Variants in CLK1 observed in about 807,000 individuals in gnomAD.
The protein encoded by CLK1 is dual specificity protein kinase CLK1.
In CLK1, 40 loss-of-function variants were observed where a neutral mutation model predicts 60.9. The ratio of observed to expected loss-of-function variants is 0.66; its 90% CI spans 0.51 to 0.86. The LOEUF is 0.86. Among genes scored for constraint, CLK1 ranks in the 40% least tolerant of loss-of-function variants. The pLI is 0.00. For missense variants in CLK1, 563 were observed against 606.1 expected (o/e 0.93, Z 0.75); for synonymous variants, 203 against 184.4 (o/e 1.10, Z -0.82).
At chr2:200,862,382 C>T (rs931633389) in intron 1 of CLK1, among the ~76,000 whole-genome samples, 4 of 152,174 alleles carry the variant, frequency 2.6e-5, no homozygotes, top group Admixed American at 2.0e-4. Flanking sequence ...GATCAATATA[C>T]TTTGTAATCT....
chr2:200,863,571 A>C (rs2039179202), intron 1 of CLK1, among the ~76,000 whole-genome samples: 1 of 151,634 alleles, frequency 6.6e-6, no homozygotes, highest in Non-Finnish European at 1.5e-5. Flanking sequence ...AAAAGAAAAA[A>C]AGGAGGCTGG....
intron 1 of CLK1, chr2:200,863,964 T>G: frequency 9.9e-7 from 1 of 1,008,100 alleles, no homozygotes; most frequent in Non-Finnish European, 1.4e-6. Context: ...ACCCCAGCAT[T>G]TCTCTTTCCT....
At chr2:200,853,707 C>T (rs1485483454) in intron 12 of CLK1, among the ~76,000 whole-genome samples, 196 bp downstream of exon 12, 1 of 100,550 alleles carries the variant, frequency 9.9e-6, no homozygotes, top group South Asian at 3.0e-4. Context: ...AAAAAAAAAG[C>T]GTGGTGGCAT....
In CLK1 at chr2:200,853,462, AAG is replaced by A. The variant is rs1457146990; in HGVS notation, c.1312-15_1312-14del. 6.9e-6 allele frequency: 11 copies of A among 1,601,258 alleles called. No individual in the cohort carries two copies. The highest frequency in any genetic ancestry group is 8.5e-6 in the Non-Finnish European group (10 of 1,176,876). On this transcript the variant is annotated splice_polypyrimidine_tract_variant and intron_variant, in intron 12 of 12. Coordinates refer to ENST00000321356, the MANE Select transcript of CLK1 (RefSeq NM_004071.4). ...AAAGCATAAATTCCTGGAAGAAAAA[AAG>A]AAATTCATTCAACAGCCTTTTCCAC...
chr2:200,854,257 C>T (rs982883025), intron 11 of CLK1: 13 of 347,198 alleles, frequency 3.7e-5, no homozygotes, highest in African/African-American at 1.5e-4. Context: ...AAGTTCTGGC[C>T]AGGTGCGGTG....
At position 200,857,518 on chromosome 2, in the gene CLK1, C is replaced by T. The variant is rs150053900; in HGVS notation, c.832+200G>A. The T allele has an allele frequency of 9.0e-4, 408 of 455,690 alleles. 1 individual carries two copies. Among genetic ancestry groups the T allele is most frequent in the African/African-American group, 7.2e-3 (361 of 50,446 alleles). 28.2% of individuals were successfully genotyped at this position (455,690 alleles called of 1,614,324 possible). On this transcript the variant is annotated intron_variant, in intron 7 of 12. Coordinates refer to ENST00000321356, the MANE Select transcript of CLK1 (RefSeq NM_004071.4). ...CTAAATCATAGTCTGCAACAAAGTA[C>T]GTTGTTATATGGTGGATATCCTACT...
intron 1 of CLK1, 93 bp downstream of exon 1, chr2:200,864,471 C>G (rs533415437): frequency 8.5e-5 from 42 of 495,090 alleles, no homozygotes; most frequent in Middle Eastern, 1.1e-3. Flanking sequence ...GGACGGCGGG[C>G]AGCAAACAAG....
In CLK1 at chr2:200,857,748, T is replaced by C; in HGVS notation, c.802A>G (p.Met268Val). The change falls in exon 7 of 13, where the codon ATG (methionine) becomes GTG (valine). Residue 268 changes from methionine (M) to valine (V), a missense_variant. Physicochemically the swap from Met to Val is conservative, Grantham distance 21 (BLOSUM62 1). Around this residue, in one of 3 missense-constraint regions of CLK1, gnomAD observed 360 missense variants for 407.0 expected, o/e 0.88. Coordinates refer to ENST00000321356, the MANE Select transcript of CLK1 (RefSeq NM_004071.4). ...LPFRLDHIRK[M>V]AYQICKSVNF... ...ACAGACTTGCATATCTGATATGCCATCTTTCTGATATGATCCAGTCGAAAT... is the reference window on the plus strand; with the variant it reads ...ACAGACTTGCATATCTGATATGCCACCTTTCTGATATGATCCAGTCGAAAT... 6.2e-7 allele frequency: 1 copy of C among 1,605,056 alleles called. No individual in the cohort carries two copies. The highest frequency in any genetic ancestry group is 8.5e-7 in the Non-Finnish European group (1 of 1,175,784).
chr2:200,861,958 A>G, intron 1 of CLK1, 96 bp from the exon 2 acceptor site: 1 of 954,758 alleles, frequency 1.0e-6, no homozygotes, highest in Non-Finnish European at 1.6e-6. Flanking sequence ...CCTCGTTTTA[A>G]GACCAAAATT....
At position 200,856,746 on chromosome 2, in the gene CLK1, A is replaced by G. The variant is rs780157435; in HGVS notation, c.993T>C (p.Tyr331=). The G allele has an allele frequency of 1.2e-6, 2 of 1,613,538 alleles. No homozygotes were observed. The highest frequency in any genetic ancestry group is 1.1e-5 in the South Asian group (1 of 91,026). The change falls in exon 9 of 13, where the codon TAT becomes TAC. Residue 331 remains tyrosine (Y), a synonymous_variant. Transcript: ENST00000321356. ...CCAATGTACTGTGATGTTCGTCATC[A>G]TATGTTGCACTACCAAAGTCTACAA... ...IKVVDFGSAT[Y]DDEHHSTLVS...
chr2:200,858,309 T>G, intron 5 of CLK1: 1 of 550,398 alleles, frequency 1.8e-6, no homozygotes, highest in East Asian at 3.1e-5. Flanking sequence ...AAACAACTTC[T>G]TCCTATATGG....
chr2:200,857,926 T>C lies in CLK1; in HGVS notation c.666-42A>G, dbSNP rs984768978. ...AATAGCTAAGTATAGTTGCTCCTAATTTAAATATACCTGATACCACTTCCC... is the reference window on the plus strand; with the variant it reads ...AATAGCTAAGTATAGTTGCTCCTAACTTAAATATACCTGATACCACTTCCC... On this transcript the variant is annotated intron_variant, in intron 6 of 12. Transcript: ENST00000321356. 2.5e-6 allele frequency: 4 copies of C among 1,611,332 alleles called. No individual in the cohort carries two copies. The African/African-American group carries it at 5.3e-5, about 22-fold the overall frequency.
At chr2:200,854,825 A>G (rs974955336) in intron 10 of CLK1, 130 bp from the exon 11 acceptor site, 3 of 792,426 alleles carry the variant, frequency 3.8e-6, no homozygotes, top group African/African-American at 1.7e-5. Context: ...ATGGACACGG[A>G]TAATTGCTTA....
chr2:200,861,945 T>C (rs938910450), intron 1 of CLK1, 83 bp from the exon 2 acceptor site: 30 of 1,208,946 alleles, frequency 2.5e-5, no homozygotes, highest in Non-Finnish European at 3.2e-5. Flanking sequence ...GGTCCCCTCG[T>C]GACCTCGTTT....
At position 200,861,482 on chromosome 2, in the gene CLK1, T is replaced by A. The variant is rs1255385884; in HGVS notation, c.162-16A>T. 1.9e-6 allele frequency: 3 copies of A among 1,609,924 alleles called. No homozygotes were observed. The Admixed American group carries it at 5.0e-5, about 27-fold the overall frequency. ...CAAATAATGGCTAGAGAAATAAAAA[T>A]TATTTTCAATGTTTTATGCTAAGAC... On this transcript the variant is annotated splice_polypyrimidine_tract_variant and intron_variant, in intron 2 of 12. Transcript: ENST00000321356.
Position 200,856,714 on chromosome 2 carries a change from G to C in CLK1, c.1025C>G (p.Thr342Arg). ...AACTTCAGGTGCTCTATAATGTCTT[G>C]TAGATACCAATGTACTGTGATGTTC... The part of the protein sequence containing the change: ...DDEHHSTLVS[T>R]RHYRAPEVIL... Residue 342 changes from threonine to arginine, a missense_variant, in exon 9 of 13, where the codon ACA becomes AGA. Physicochemically the swap from Thr to Arg is moderately conservative, Grantham distance 71 (BLOSUM62 -1). Transcript: ENST00000321356. 6.2e-7 allele frequency: 1 copy of C among 1,609,828 alleles called. No homozygotes were observed. Among genetic ancestry groups the C allele is most frequent in the Non-Finnish European group, 8.5e-7 (1 of 1,178,358 alleles).
At position 200,853,129 on chromosome 2, in the gene CLK1, G is replaced by C. The variant is rs1354437819; in HGVS notation, c.*177C>G. ...CTGAATAAATCACTTTACAATTACT[G>C]AAAAAGATGTTCATTACCTTAGCTA... On this transcript the variant is annotated 3_prime_UTR_variant, in exon 13 of 13. Coordinates refer to ENST00000321356, the MANE Select transcript of CLK1 (RefSeq NM_004071.4). 1.5e-5 allele frequency: 7 copies of C among 459,542 alleles called. No individual in the cohort carries two copies. The highest frequency in any genetic ancestry group is 2.3e-5 in the Non-Finnish European group (6 of 264,290). 28.5% of individuals were successfully genotyped at this position (459,542 alleles called of 1,614,324 possible).
intron 12 of CLK1, among the ~76,000 whole-genome samples, 173 bp from the exon 13 acceptor site, chr2:200,853,622 C>A (rs1427256874): frequency 7.3e-6 from 1 of 137,568 alleles, no homozygotes; most frequent in Non-Finnish European, 1.5e-5. Context: ...AGGTGGATCA[C>A]TTGAGGCCAG....
intron 1 of CLK1, among the ~76,000 whole-genome samples, chr2:200,862,684 A>G (rs2039160664): frequency 6.6e-6 from 1 of 152,186 alleles, no homozygotes; most frequent in Admixed American, 6.5e-5. Context: ...AACACACGTC[A>G]TTCTCCCCGT....
Sources: gnomAD v4.1 joint callset for allele counts (sites outside exome capture counted in the v4.1 genomes callset) on GRCh38, gnomAD v4.1.1 for gene constraint, gnomAD v4.1.1 regional missense constraint, MANE v1.5 for transcripts, NCBI Gene and HGNC (gene_info 2026-07-23, HGNC 2026-07-21) for gene names.